The following FAM83B variants were observed in gnomAD, a reference collection of about 807,000 sequenced individuals.
The protein encoded by FAM83B is protein FAM83B.
FAM83B carries 26 observed loss-of-function variants against 38.8 expected under a neutral mutation model. The ratio of observed to expected loss-of-function variants is 0.67; its 90% CI spans 0.49 to 0.93. The LOEUF is 0.93. FAM83B is among the 40% of genes least tolerant of loss of function. The pLI, the probability that FAM83B is intolerant of heterozygous loss-of-function variation, is 0.00. For synonymous variants in FAM83B, 419 were observed against 423.1 expected (o/e 0.99, Z 0.12); for missense variants, 1,237 against 1,197.3 (o/e 1.03, Z -0.49).
rs1188907626 is a variant in FAM83B at position 54,870,583 on chromosome 6, C to G, written c.337C>G (p.Pro113Ala). 6.2e-7 allele frequency: 1 copy of G among 1,613,830 alleles called. No homozygotes were observed. The highest frequency in any genetic ancestry group is 8.5e-7 in the Non-Finnish European group (1 of 1,179,942). Residue 113 changes from proline to alanine, a missense_variant, in exon 2 of 5, where the codon CCC becomes GCC. Pro to Ala is a conservative substitution (Grantham distance 27). Transcript: ENST00000306858. ...TGACTTAGGCTGGCCATATGTGATG[C>G]CCGGACTCTTAGGGGGCACCCATAT... is the stretch of plus-strand genomic sequence containing the variant. The part of the protein sequence containing the change: ...NLDLGWPYVM[P>A]GLLGGTHIDL...
chr6:54,904,731 T>A (rs1330707521), intron 2 of FAM83B, among the ~76,000 whole-genome samples: 1 of 152,168 alleles, frequency 6.6e-6, no homozygotes, highest in East Asian at 1.9e-4. Context: ...GAAGCCAGAA[T>A]GTGGTAAGAG....
chr6:54,867,250 G>T (rs185053260), intron 1 of FAM83B, among the ~76,000 whole-genome samples: 2 of 151,638 alleles, frequency 1.3e-5, no homozygotes, highest in Admixed American at 6.6e-5. Context: ...AATGTTCAGG[G>T]ATTGAACTGC....
At chr6:54,906,976 C>G (rs1362426687) in intron 2 of FAM83B, among the ~76,000 whole-genome samples, 1 of 152,102 alleles carries the variant, frequency 6.6e-6, no homozygotes, top group Admixed American at 6.6e-5. Context: ...GAAACCCATT[C>G]TGTTTTATGA....
intron 2 of FAM83B, among the ~76,000 whole-genome samples, chr6:54,904,113 A>G (rs1398542714): frequency 3.9e-5 from 6 of 151,948 alleles, no homozygotes; most frequent in Admixed American, 3.3e-4. Context: ...GTCTGTTTAC[A>G]TATTGTTCAT....
chr6:54,872,462 A>G (rs1409989964), intron 2 of FAM83B, among the ~76,000 whole-genome samples: 2 of 152,252 alleles, frequency 1.3e-5, no homozygotes, highest in Non-Finnish European at 2.9e-5. Context: ...CAATGTTAAC[A>G]GGAAATTGAA....
At chr6:54,907,627 A>G (rs1772803403) in intron 2 of FAM83B, among the ~76,000 whole-genome samples, 1 of 137,520 alleles carries the variant, frequency 7.3e-6, no homozygotes, top group African/African-American at 3.1e-5. Context: ...TGTTTTATGA[A>G]GATTTTTTTT....
chr6:54,887,033 G>A (rs1239397805), intron 2 of FAM83B, among the ~76,000 whole-genome samples: 1 of 151,926 alleles, frequency 6.6e-6, no homozygotes, highest in African/African-American at 2.4e-5. Context: ...AATTTTATTT[G>A]AATTATACTG....
intron 2 of FAM83B, among the ~76,000 whole-genome samples, chr6:54,908,713 G>A (rs1772831894): frequency 6.6e-6 from 1 of 152,074 alleles, no homozygotes; most frequent in Non-Finnish European, 1.5e-5. Context: ...TTTGAGGCAG[G>A]ATTCCAGAAC....
chr6:54,890,165 G>A (rs1159399071), intron 2 of FAM83B, among the ~76,000 whole-genome samples: 1 of 151,946 alleles, frequency 6.6e-6, no homozygotes, highest in East Asian at 1.9e-4. Flanking sequence ...ACTTTTTTGA[G>A]TATATGTTCA....
intron 2 of FAM83B, among the ~76,000 whole-genome samples, chr6:54,909,877 G>T (rs760125484): frequency 2.0e-5 from 3 of 152,118 alleles, no homozygotes; most frequent in Non-Finnish European, 4.4e-5. Context: ...TTAGAGAAAA[G>T]AAAAGACGGG....
At chr6:54,922,161 A>G (rs73432338) in intron 2 of FAM83B, among the ~76,000 whole-genome samples, 3,691 of 152,160 alleles carry the variant, frequency 0.024, 158 homozygotes, top group African/African-American at 0.083. Context: ...AGTGACTTCA[A>G]TTACTTTTTG....
chr6:54,881,111 A>T lies in FAM83B; in HGVS notation c.444+10421A>T, dbSNP rs114629157. On this transcript the variant is annotated intron_variant, in intron 2 of 4. Coordinates refer to ENST00000306858, the MANE Select transcript of FAM83B (RefSeq NM_001010872.3). ...GCATAACAAAATAGGGGACAGTGGG[A>T]GCTGCTGTGTCTCCCACAGAATTTA... 3.1e-3 allele frequency among the ~76,000 whole-genome samples: 473 copies of T among 152,330 alleles called. 2 individuals are homozygous for T. The highest frequency in any genetic ancestry group is 0.011 in the African/African-American group (457 of 41,578).
intron 1 of FAM83B, among the ~76,000 whole-genome samples, chr6:54,852,633 G>A (rs928158290): frequency 1.3e-5 from 2 of 152,204 alleles, no homozygotes; most frequent in Admixed American, 6.5e-5. Context: ...AAATGATTAA[G>A]CTCAGTGAGG....
In FAM83B at chr6:54,940,426, A is replaced by G. The variant is rs1773645028; in HGVS notation, c.1455A>G (p.Glu485=). Residue 485 remains glutamate, a synonymous_variant, in exon 5 of 5, where the codon GAA becomes GAG. Coordinates refer to ENST00000306858, the MANE Select transcript of FAM83B (RefSeq NM_001010872.3). The stretch of plus-strand genomic sequence containing the variant: ...TGCAACAACGAATGCCAACCCTTGA[A>G]CATACCACAAAGTCATTCCTACGTA... The part of the protein sequence containing the change: ...RFLQQRMPTL[E]HTTKSFLRNW... 6.2e-7 allele frequency: 1 copy of G among 1,614,086 alleles called. No homozygotes were observed. Among genetic ancestry groups the G allele is most frequent in the Non-Finnish European group, 8.5e-7 (1 of 1,180,012 alleles).
intron 2 of FAM83B, among the ~76,000 whole-genome samples, chr6:54,912,286 CA>C (rs998387149): frequency 6.6e-5 from 10 of 151,750 alleles, no homozygotes; most frequent in African/African-American, 2.4e-4. Context: ...ATCTCAATTT[CA>C]ATAAAATGTC....
chr6:54,931,004 A>G (rs378853), intron 4 of FAM83B, among the ~76,000 whole-genome samples: 30,659 of 151,954 alleles, frequency 0.2, 3,558 homozygotes, highest in African/African-American at 0.31. Flanking sequence ...GTGTTTTTAT[A>G]TTCATTTGTC....
chr6:54,868,495 A>G lies in FAM83B; in HGVS notation c.-60-1692A>G, dbSNP rs563807735. Among the ~76,000 whole-genome samples, 329 of 152,324 alleles carry G rather than the reference A, an allele frequency of 2.2e-3. 2 individuals carry two copies. The highest frequency in any genetic ancestry group is 3.8e-3 in the Non-Finnish European group (260 of 68,020). On this transcript the variant is annotated intron_variant, in intron 1 of 4. Coordinates refer to ENST00000306858, the MANE Select transcript of FAM83B (RefSeq NM_001010872.3). ...TTTAGGATGTATCCCAATACATGTC[A>G]ATAGATTAATTTTAATTAAGTAACA... is the stretch of plus-strand genomic sequence containing the variant.
intron 2 of FAM83B, among the ~76,000 whole-genome samples, chr6:54,871,830 T>G (rs1218900021): frequency 1.3e-5 from 2 of 150,604 alleles, no homozygotes; most frequent in African/African-American, 4.9e-5. Flanking sequence ...GTTATGACTA[T>G]GTGATACAAA....
intron 2 of FAM83B, among the ~76,000 whole-genome samples, chr6:54,892,102 C>T (rs768542446): frequency 1.3e-5 from 2 of 152,176 alleles, no homozygotes; most frequent in African/African-American, 2.4e-5. Context: ...TGCTTTCTCC[C>T]GTATTCCTGT....
Sources: allele counts gnomAD v4.1 joint callset (sites outside exome capture counted in the v4.1 genomes callset), GRCh38; gene constraint gnomAD v4.1.1; transcripts MANE v1.5; gene names NCBI Gene and HGNC (gene_info 2026-07-23, HGNC 2026-07-21).